Variants in PTPRB observed in about 807,000 individuals in gnomAD.
PTPRB encodes protein tyrosine phosphatase receptor type B, also known as receptor-type tyrosine-protein phosphatase beta.
PTPRB carries 97 observed loss-of-function variants against 238.1 expected under a neutral mutation model. That is an observed-to-expected ratio of 0.41 (90% CI 0.35 to 0.48). The LOEUF is 0.48. PTPRB is among the 20% of genes least tolerant of loss of function. The pLI, the probability that PTPRB is intolerant of heterozygous loss-of-function variation, is 0.30. For synonymous variants in PTPRB, 970 were observed against 995.4 expected (o/e 0.97, Z 0.48); for missense variants, 2,292 against 2,681.9 (o/e 0.85, Z 3.21).
chr12:70,635,204 T>A (rs1179647396), intron 2 of PTPRB, among the ~76,000 whole-genome samples: 1 of 152,236 alleles, frequency 6.6e-6, no homozygotes, highest in Non-Finnish European at 1.5e-5. Context: ...AACACAACTA[T>A]CTTCCAGTCT....
intron 11 of PTPRB, among the ~76,000 whole-genome samples, chr12:70,575,354 G>GCTCC (rs1880564598): frequency 1.3e-5 from 2 of 152,106 alleles, no homozygotes; most frequent in Non-Finnish European, 2.9e-5. Flanking sequence ...GCTTTTTGGA[G>GCTCC]GTCACAGAAA....
chr12:70,635,777 G>A lies in PTPRB; in HGVS notation c.345C>T (p.Gly115=). 2 of 1,613,870 alleles carry A rather than the reference G, an allele frequency of 1.2e-6. No homozygotes were observed. Among genetic ancestry groups the A allele is most frequent in the African/African-American group, 1.3e-5 (1 of 75,020 alleles). ...TGGCCTTCTTGACCACTACTCTGGA[G>A]CCTTGTTTCTGGAGAAAGAGAGAGG... The part of the protein sequence containing the change: ...ENASLFLQKQ[G]SRVVVKKARK... The change falls in exon 2 of 34, where the codon GGC becomes GGT. Residue 115 remains glycine, a synonymous_variant. Transcript: ENST00000334414.
In PTPRB at chr12:70,581,193, C is replaced by T. The variant is rs781577903; in HGVS notation, c.2421G>A (p.Leu807=). 1.9e-6 allele frequency: 3 copies of T among 1,614,004 alleles called. No individual in the cohort carries two copies. Among genetic ancestry groups the T allele is most frequent in the South Asian group, 2.2e-5 (2 of 91,078 alleles). ...TTTTAATGACCACATTTTCATGGATCAGTAAGACTTGGTAAAATTCTACGT... is the reference window on the plus strand; with the variant it reads ...TTTTAATGACCACATTTTCATGGATTAGTAAGACTTGGTAAAATTCTACGT... The part of the protein sequence containing the change: ...QGDVEFYQVL[L]IHENVVIKNE... The change falls in exon 10 of 34, where the codon CTG becomes CTA. Residue 807 remains leucine (L), a synonymous_variant. Transcript: ENST00000334414.
At chr12:70,579,046 T>C (rs1273967133) in intron 10 of PTPRB, among the ~76,000 whole-genome samples, 2 of 152,096 alleles carry the variant, frequency 1.3e-5, no homozygotes, top group African/African-American at 2.4e-5. Flanking sequence ...TCCCAACCAA[T>C]AGAGGCATCC....
Position 70,520,483 on chromosome 12 carries a change from A to C in PTPRB, c.*1006T>G, listed in dbSNP as rs985806768. 2.4e-5 allele frequency: 5 copies of C among 207,646 alleles called. No individual in the cohort carries two copies. Among genetic ancestry groups the C allele is most frequent in the African/African-American group, 1.2e-4 (5 of 42,066 alleles). The allele number at this position is 207,646 out of a possible 1,614,324, so 12.9% of individuals were successfully genotyped here. ...TAGTCATTTCTATGAAAATGTTGGC[A>C]TTAAGCCTTTTAATGAGGGGCACAA... is the stretch of plus-strand genomic sequence containing the variant. On this transcript the variant is annotated 3_prime_UTR_variant, in exon 34 of 34. Coordinates refer to ENST00000334414, the MANE Select transcript of PTPRB (RefSeq NM_001109754.4).
intron 18 of PTPRB, among the ~76,000 whole-genome samples, chr12:70,557,625 G>A (rs766610745): frequency 6.6e-6 from 1 of 152,176 alleles, no homozygotes; most frequent in Non-Finnish European, 1.5e-5. Flanking sequence ...GAGGCTGTTG[G>A]GAAAGGCAGT....
At chr12:70,535,651 AAC>A (rs1010537102) in intron 29 of PTPRB, among the ~76,000 whole-genome samples, 1 of 152,164 alleles carries the variant, frequency 6.6e-6, no homozygotes, top group African/African-American at 2.4e-5. Context: ...TGTGTCTGCC[AAC>A]ACAGTCTACA....
At chr12:70,600,566 T>C (rs1055398233) in intron 4 of PTPRB, among the ~76,000 whole-genome samples, 1 of 152,262 alleles carries the variant, frequency 6.6e-6, no homozygotes, top group African/African-American at 2.4e-5. Context: ...CTAAATCTAA[T>C]TCTGTGAGCA....
chr12:70,616,020 T>C (rs1399207541), intron 3 of PTPRB, among the ~76,000 whole-genome samples: 2 of 149,620 alleles, frequency 1.3e-5, no homozygotes, highest in Non-Finnish European at 2.9e-5. Flanking sequence ...AATAATATCC[T>C]TTTTTTTGCT....
intron 3 of PTPRB, chr12:70,609,903 C>T: frequency 3.2e-6 from 4 of 1,252,998 alleles, no homozygotes; most frequent in Middle Eastern, 2.6e-4. Context: ...CTGTTGCGCG[C>T]GCTCAGCGCG....
chr12:70,570,073 C>T, intron 13 of PTPRB, 135 bp from the exon 14 acceptor site: 1 of 851,580 alleles, frequency 1.2e-6, no homozygotes, highest in Non-Finnish European at 1.8e-6. Context: ...AACAATTTGC[C>T]ACTTTTCTCT....
chr12:70,605,086 A>T (rs1293498609), intron 4 of PTPRB, among the ~76,000 whole-genome samples: 1 of 152,246 alleles, frequency 6.6e-6, no homozygotes, highest in Non-Finnish European at 1.5e-5. Context: ...CCATATTAAA[A>T]TAATTAAAAT....
chr12:70,525,354 T>G (rs1395277936), intron 32 of PTPRB: 1 of 152,190 alleles, frequency 6.6e-6, no homozygotes, highest in African/African-American at 2.4e-5. Flanking sequence ...GTTCCCTTTA[T>G]TCTAGGAAGA....
At chr12:70,634,843 C>G (rs1367921598) in intron 2 of PTPRB, among the ~76,000 whole-genome samples, 1 of 152,202 alleles carries the variant, frequency 6.6e-6, no homozygotes, top group Non-Finnish European at 1.5e-5. Flanking sequence ...TTGTAAGGTT[C>G]ATTGGTGCCT....
Position 70,556,053 on chromosome 12 carries a change from T to C in PTPRB, c.4810A>G (p.Ser1604Gly). 1.2e-6 allele frequency: 2 copies of C among 1,613,884 alleles called. No homozygotes were observed. The highest frequency in any genetic ancestry group is 1.3e-5 in the African/African-American group (1 of 75,038). Residue 1604 changes from serine to glycine, a missense_variant, in exon 19 of 34, where the codon AGT (serine) becomes GGT (glycine). Coordinates refer to ENST00000334414, the MANE Select transcript of PTPRB (RefSeq NM_001109754.4). Reference sequence around the variant, plus strand: ...GTGTCCATTTTCCGGCATTCAATACTATAACCATCAAAGTCAGAATCAGGA... The same window carrying C: ...GTGTCCATTTTCCGGCATTCAATACCATAACCATCAAAGTCAGAATCAGGA... ...IPPDSDFDGYSIECRKMDTQE... is the reference protein window; with the variant it reads ...IPPDSDFDGYGIECRKMDTQE...
chr12:70,562,124 A>T (rs1878565305), intron 16 of PTPRB, among the ~76,000 whole-genome samples: 2 of 152,072 alleles, frequency 1.3e-5, no homozygotes, highest in Non-Finnish European at 2.9e-5. Context: ...TAAAAATTAA[A>T]AAGTTAAAAG....
chr12:70,558,203 G>A (rs942141417), intron 18 of PTPRB, among the ~76,000 whole-genome samples: 1 of 152,114 alleles, frequency 6.6e-6, no homozygotes, highest in Non-Finnish European at 1.5e-5. Context: ...AGGGTGTTCT[G>A]CTTAGCAGAT....
chr12:70,592,520 C>T lies in PTPRB; in HGVS notation c.1542G>A (p.Lys514=), dbSNP rs1267762566. Residue 514 remains lysine (K), a synonymous_variant, in exon 7 of 34, where the codon AAG becomes AAA. Transcript: ENST00000334414. ...RTAPMEVSNL[K]VTNDGSLTSL... ...AGGTCAAACTGCCATCATTTGTCAC[C>T]TTCAGATTTGAGACTTCCATGGGGG... is the stretch of plus-strand genomic sequence containing the variant. 2.4e-5 allele frequency: 39 copies of T among 1,613,622 alleles called. No homozygotes were observed. Among genetic ancestry groups the T allele is most frequent in the Non-Finnish European group, 3.3e-5 (39 of 1,179,820 alleles).
chr12:70,572,128 T>G (rs1457994463), intron 11 of PTPRB, 41 bp from the exon 12 acceptor site: 3 of 1,521,056 alleles, frequency 2.0e-6, no homozygotes, highest in Admixed American at 3.7e-5. Flanking sequence ...TTATGAATTC[T>G]GAGTGAGTAA....
Sources: gnomAD v4.1 joint callset for allele counts (sites outside exome capture counted in the v4.1 genomes callset) on GRCh38, gnomAD v4.1.1 for gene constraint, MANE v1.5 for transcripts, NCBI Gene and HGNC (gene_info 2026-07-23, HGNC 2026-07-21) for gene names.